Variants in ARHGAP26 observed in about 807,000 individuals in gnomAD.
ARHGAP26 encodes Rho GTPase activating protein 26, also known as rho GTPase-activating protein 26.
In ARHGAP26, 38 loss-of-function variants were observed where a neutral mutation model predicts 104.8. The ratio of observed to expected loss-of-function variants is 0.36; its 90% confidence interval spans 0.28 to 0.48. The LOEUF (loss-of-function observed/expected upper bound fraction) is 0.48, where lower values mean the gene tolerates loss of function less well. Ranked by LOEUF, ARHGAP26 falls within the 20% of genes least tolerant of loss-of-function variation. The pLI, the probability that ARHGAP26 is intolerant of heterozygous loss-of-function variation, is 0.99. For synonymous variants in ARHGAP26, 341 were observed against 340.0 expected (o/e 1.00, Z -0.03); for missense variants, 704 against 947.9 (o/e 0.74, Z 3.38).
At chr5:142,887,038 C>T (rs913543010) in intron 5 of ARHGAP26, among the ~76,000 whole-genome samples, 4 of 152,206 alleles carry the variant, frequency 2.6e-5, no homozygotes, top group Non-Finnish European at 5.9e-5. Flanking sequence ...TCAGAGTATT[C>T]AGAGTTGAGC....
rs546157574 is a variant in ARHGAP26 at position 143,175,781 on chromosome 5, T to G, written c.1988+28400T>G. ...GAAGGTTTTTGTTTTTAGCCAATTT[T>G]GACTTTTTCCCTTAATTTTTAAATT... On this transcript the variant is annotated intron_variant, in intron 20 of 22. Coordinates refer to ENST00000645722, the MANE Select transcript of ARHGAP26 (RefSeq NM_001135608.3). Among the ~76,000 whole-genome samples the G allele has an allele frequency of 2.6e-5, 4 of 152,318 alleles. No individual in the cohort carries two copies. In the East Asian group the frequency reaches 7.7e-4, roughly 29 times the overall value.
At position 142,794,985 on chromosome 5, in the gene ARHGAP26, G is replaced by C. The variant is rs533261748; in HGVS notation, c.154+24070G>C. Among the ~76,000 whole-genome samples the C allele has an allele frequency of 6.6e-5, 10 of 152,144 alleles. No homozygotes were observed. The East Asian group carries it at 1.9e-3, about 29-fold the overall frequency. ...AGGTGGGCAAGCTTTTTCTGTAAAG[G>C]GCCAGTTAGTAAATTTTTTAGGCTT... On this transcript the variant is annotated intron_variant, in intron 1 of 22. Transcript: ENST00000645722.
intron 12 of ARHGAP26, among the ~76,000 whole-genome samples, chr5:143,020,825 A>G (rs1472519730): frequency 6.6e-6 from 1 of 152,004 alleles, no homozygotes; most frequent in Non-Finnish European, 1.5e-5. Flanking sequence ...AGTTTTTAGT[A>G]GAGACAGGGT....
chr5:142,938,751 A>G (rs2152552748), intron 11 of ARHGAP26, among the ~76,000 whole-genome samples: 1 of 152,280 alleles, frequency 6.6e-6, no homozygotes, highest in African/African-American at 2.4e-5. Context: ...CTGCATTTCC[A>G]TATATCCCCT....
intron 17 of ARHGAP26, among the ~76,000 whole-genome samples, chr5:143,118,573 C>A (rs1350199896): frequency 6.6e-6 from 1 of 152,174 alleles, no homozygotes; most frequent in Non-Finnish European, 1.5e-5. Flanking sequence ...GAGTTCAAGA[C>A]CAGCCTAGGC....
chr5:143,102,750 GA>G (rs1230413163), intron 17 of ARHGAP26, among the ~76,000 whole-genome samples: 1 of 152,202 alleles, frequency 6.6e-6, no homozygotes, highest in Non-Finnish European at 1.5e-5. Context: ...CTGCCTCTTT[GA>G]AACTTCTGTT....
chr5:142,824,446 A>T (rs1766813021), intron 1 of ARHGAP26, among the ~76,000 whole-genome samples: 1 of 152,202 alleles, frequency 6.6e-6, no homozygotes, highest in African/African-American at 2.4e-5. Context: ...TTTAGCTGAC[A>T]TCCCACAGGC....
At chr5:142,774,893 A>G (rs1285757494) in intron 1 of ARHGAP26, among the ~76,000 whole-genome samples, 3 of 151,996 alleles carry the variant, frequency 2.0e-5, no homozygotes, top group Admixed American at 6.6e-5. Context: ...AGGTTCTTTC[A>G]TGTCCTCTTA....
chr5:142,939,909 A>G (rs1765988738), intron 11 of ARHGAP26, among the ~76,000 whole-genome samples: 1 of 152,214 alleles, frequency 6.6e-6, no homozygotes, highest in African/African-American at 2.4e-5. Flanking sequence ...AGGAAGATGG[A>G]TATTGGGATA....
Position 143,225,533 on chromosome 5 carries a change from C to T in ARHGAP26, c.*3087C>T. The T allele has an allele frequency of 4.8e-6, 1 of 209,952 alleles. No homozygotes were observed. Among genetic ancestry groups the T allele is most frequent in the Non-Finnish European group, 9.7e-6 (1 of 103,252 alleles). The allele number at this position is 209,952 out of a possible 1,614,324, so 13.0% of individuals were successfully genotyped here. On this transcript the variant is annotated 3_prime_UTR_variant, in exon 23 of 23. Coordinates refer to ENST00000645722, the MANE Select transcript of ARHGAP26 (RefSeq NM_001135608.3). Reference sequence around the variant, plus strand: ...GTAATCTGTCCCATCATAAACTTACCTGGAGCTCATGTGGAGGAACAGAAG... The same window carrying T: ...GTAATCTGTCCCATCATAAACTTACTTGGAGCTCATGTGGAGGAACAGAAG...
chr5:143,001,284 A>C (rs1342378653), intron 11 of ARHGAP26, among the ~76,000 whole-genome samples: 1 of 152,226 alleles, frequency 6.6e-6, no homozygotes, highest in Non-Finnish European at 1.5e-5. Flanking sequence ...GTCACAATTC[A>C]TGATTGGCAT....
At chr5:143,184,175 A>C (rs1804806197) in intron 20 of ARHGAP26, among the ~76,000 whole-genome samples, 1 of 152,200 alleles carries the variant, frequency 6.6e-6, no homozygotes, top group African/African-American at 2.4e-5. Context: ...CAATACAGAG[A>C]CAACATTGAT....
At chr5:142,913,741 A>C (rs917811277) in intron 10 of ARHGAP26, among the ~76,000 whole-genome samples, 2 of 152,224 alleles carry the variant, frequency 1.3e-5, no homozygotes, top group African/African-American at 4.8e-5. Flanking sequence ...TCAAATAAAA[A>C]AACAGCTTTT....
intron 16 of ARHGAP26, among the ~76,000 whole-genome samples, chr5:143,057,055 G>T (rs1442513823): frequency 6.6e-6 from 1 of 152,146 alleles, no homozygotes; most frequent in Admixed American, 6.5e-5. Flanking sequence ...CACTTACCTT[G>T]GTTCAACCAA....
intron 17 of ARHGAP26, among the ~76,000 whole-genome samples, chr5:143,099,513 A>C (rs1792906261): frequency 6.6e-6 from 1 of 152,228 alleles, no homozygotes; most frequent in African/African-American, 2.4e-5. Context: ...TTTCTAGCAC[A>C]GGGATTCAAT....
At chr5:142,857,921 T>C (rs12513965) in intron 1 of ARHGAP26, among the ~76,000 whole-genome samples, 25,866 of 152,074 alleles carry the variant, frequency 0.17, 3,443 homozygotes, top group East Asian at 0.57. Context: ...AGGCATACTT[T>C]CAGATGTATT....
chr5:142,907,401 C>T (rs571353599), intron 8 of ARHGAP26: 31 of 174,212 alleles, frequency 1.8e-4, no homozygotes, highest in Non-Finnish European at 2.7e-4. Flanking sequence ...ATGATGGGAA[C>T]GGGGATTAGT....
rs1562163912 is a variant in ARHGAP26 at position 142,963,163 on chromosome 5, G to GATATATATATATATATATATATAT, written c.1107+31038_1107+31039insATATATATATATATATATATATAT. On this transcript the variant is annotated intron_variant, in intron 11 of 22. Transcript: ENST00000645722. ...TTTTTATGGCTGTGTAGTATTCCAT[G>GATATATATATATATATATATATAT]GTATATATGTATATATATATATATA... 3.6e-5 allele frequency among the ~76,000 whole-genome samples: 4 copies of GATATATATATATATATATATATAT among 112,168 alleles called. 1 individual carries two copies. Among genetic ancestry groups the GATATATATATATATATATATATAT allele is most frequent in the Admixed American group, 8.0e-5 (1 of 12,466 alleles). The allele number at this position is 112,168 out of a possible 152,430, so 73.6% of individuals were successfully genotyped here. A position where few individuals can be genotyped will look rare whatever the true frequency, so the allele number is the denominator to read the frequency against.
At chr5:142,965,657 T>C (rs898221815) in intron 11 of ARHGAP26, among the ~76,000 whole-genome samples, 1 of 152,154 alleles carries the variant, frequency 6.6e-6, no homozygotes, top group Non-Finnish European at 1.5e-5. Flanking sequence ...ATGATATTCA[T>C]ATATAATCAT....
Sources: gnomAD v4.1 joint callset for allele counts (sites outside exome capture counted in the v4.1 genomes callset) on GRCh38, gnomAD v4.1.1 for gene constraint, MANE v1.5 for transcripts, NCBI Gene and HGNC (gene_info 2026-07-23, HGNC 2026-07-21) for gene names.